The following NLGN4X variants were observed in gnomAD, a reference collection of about 807,000 sequenced individuals.
NLGN4X encodes neuroligin-4, X-linked.
NLGN4X carries 3 observed loss-of-function variants against 40.3 expected under a neutral mutation model. The observed-to-expected ratio is 0.07, with a 90% confidence interval of 0.03 to 0.19. NLGN4X has a LOEUF of 0.19. Among genes scored for constraint, NLGN4X ranks in the 10% least tolerant of loss-of-function variants. The pLI is 1.00. For missense variants in NLGN4X, 382 were observed against 708.3 expected, an observed-to-expected ratio of 0.54 and a Z score of 5.23; for synonymous variants, 270 against 306.8, an observed-to-expected ratio of 0.88 and a Z score of 1.25.
At chrX:5,964,240 T>C (rs1173490380) in intron 3 of NLGN4X, among the ~76,000 whole-genome samples, 1 of 111,858 alleles carries the variant, frequency 8.9e-6, no homozygotes, top group Admixed American at 9.6e-5. Context: ...AAATTCTCCA[T>C]TTAGATGGCT....
At chrX:6,090,758 A>G (rs2038617476) in intron 2 of NLGN4X, among the ~76,000 whole-genome samples, 2 of 108,052 alleles carry the variant, frequency 1.9e-5, no homozygotes, top group Non-Finnish European at 3.8e-5. Flanking sequence ...CTCAGAGGCA[A>G]TATTTGACAA....
At chrX:5,967,077 G>A (rs1188733170) in intron 3 of NLGN4X, among the ~76,000 whole-genome samples, 1 of 111,490 alleles carries the variant, frequency 9.0e-6, no homozygotes, top group Non-Finnish European at 1.9e-5. Flanking sequence ...GATAAATTTG[G>A]TCTGTTGTCT....
At chrX:6,170,372 T>C (rs1245472287) in intron 1 of NLGN4X, among the ~76,000 whole-genome samples, 3 of 112,498 alleles carry the variant, frequency 2.7e-5, no homozygotes, top group East Asian at 2.8e-4. Flanking sequence ...CCAGTCTGCA[T>C]TGCAGACCGA....
intron 1 of NLGN4X, among the ~76,000 whole-genome samples, chrX:6,152,070 C>T (rs1196115318): frequency 9.0e-6 from 1 of 111,269 alleles, no homozygotes; most frequent in South Asian, 3.9e-4. Context: ...CCCGCCTCAC[C>T]CTCCCGAGTA....
intron 3 of NLGN4X, among the ~76,000 whole-genome samples, chrX:6,000,172 C>T (rs1315885664): frequency 8.9e-6 from 1 of 112,233 alleles, no homozygotes; most frequent in African/African-American, 3.2e-5. Flanking sequence ...GAAGATGCCT[C>T]CCAGTATGTG....
intron 1 of NLGN4X, among the ~76,000 whole-genome samples, chrX:6,183,276 G>A (rs756221588): frequency 3.6e-5 from 4 of 112,398 alleles, no homozygotes; most frequent in East Asian, 2.8e-4. Flanking sequence ...GGCCGGGCAC[G>A]GTGGCTCACG....
intron 1 of NLGN4X, among the ~76,000 whole-genome samples, chrX:6,228,092 T>C (rs1355735755): frequency 9.0e-6 from 1 of 110,576 alleles, no homozygotes; most frequent in Non-Finnish European, 1.9e-5. Flanking sequence ...TGCAGATACA[T>C]ATATATTTTT....
intron 1 of NLGN4X, among the ~76,000 whole-genome samples, chrX:6,193,304 G>A (rs773270866): frequency 1.0e-3 from 111 of 109,517 alleles, no homozygotes; most frequent in African/African-American, 3.4e-3. Context: ...AGCTACTCGG[G>A]AGGCTGAGGC....
At chrX:5,979,819 T>C (rs1346348886) in intron 3 of NLGN4X, among the ~76,000 whole-genome samples, 5 of 103,642 alleles carry the variant, frequency 4.8e-5, no homozygotes, top group Middle Eastern at 6.5e-3. Context: ...TATGTGTATA[T>C]ATACACACAT....
At chrX:5,970,986 G>A (rs913533273) in intron 3 of NLGN4X, among the ~76,000 whole-genome samples, 8 of 111,589 alleles carry the variant, frequency 7.2e-5, no homozygotes, top group East Asian at 2.8e-4. Context: ...TATAGATACT[G>A]TTTAAACTCC....
At chrX:6,185,405 C>T (rs1921916705) in intron 1 of NLGN4X, among the ~76,000 whole-genome samples, 1 of 112,092 alleles carries the variant, frequency 8.9e-6, no homozygotes, top group African/African-American at 3.2e-5. Flanking sequence ...GCAAAAGATC[C>T]TTAATCATCT....
At chrX:6,079,779 G>T (rs2038300145) in intron 2 of NLGN4X, among the ~76,000 whole-genome samples, 1 of 111,780 alleles carries the variant, frequency 8.9e-6, no homozygotes, top group South Asian at 3.8e-4. Flanking sequence ...TCATCCTGTG[G>T]GTCAGCTTCA....
chrX:6,099,717 C>A (rs1323830240), intron 2 of NLGN4X, among the ~76,000 whole-genome samples: 1 of 112,394 alleles, frequency 8.9e-6, no homozygotes, highest in Non-Finnish European at 1.9e-5. Flanking sequence ...GCAAAGGATG[C>A]TGGAAAAATT....
At chrX:5,896,665 T>A (rs182281932) in intron 5 of NLGN4X, among the ~76,000 whole-genome samples, 56 of 112,321 alleles carry the variant, frequency 5.0e-4, no homozygotes, top group Admixed American at 1.5e-3. Context: ...CTAGTTCATT[T>A]CTTTAGCTGG....
At chrX:6,193,087 T>C (rs1922692599) in intron 1 of NLGN4X, among the ~76,000 whole-genome samples, 1 of 111,810 alleles carries the variant, frequency 8.9e-6, no homozygotes, top group African/African-American at 3.2e-5. Context: ...CTATTCCTGA[T>C]ACTTACCATT....
chrX:6,128,432 A>G (rs981609596), intron 2 of NLGN4X, among the ~76,000 whole-genome samples: 25 of 112,314 alleles, frequency 2.2e-4, no homozygotes, highest in Admixed American at 1.9e-3. Flanking sequence ...ATACACTCTG[A>G]ATATTCCTCC....
intron 2 of NLGN4X, among the ~76,000 whole-genome samples, chrX:6,142,028 T>A (rs1041810583): frequency 1.8e-5 from 2 of 111,046 alleles, no homozygotes; most frequent in Non-Finnish European, 3.8e-5. Flanking sequence ...GTACCTAAAG[T>A]TTCTATCTCT....
intron 2 of NLGN4X, among the ~76,000 whole-genome samples, chrX:6,139,874 T>C (rs1037083939): frequency 1.8e-5 from 2 of 111,510 alleles, no homozygotes; most frequent in Non-Finnish European, 1.9e-5. Flanking sequence ...ATGAGTTATC[T>C]AAAATGCCTC....
Position 5,972,017 on chromosome X carries a change from A to G in NLGN4X, c.625+57263T>C, listed in dbSNP as rs138005619. 2.1e-3 allele frequency among the ~76,000 whole-genome samples: 233 copies of G among 111,957 alleles called. 1 individual carries two copies. The highest frequency in any genetic ancestry group is 5.5e-3 in the African/African-American group (170 of 30,882). On this transcript the variant is annotated intron_variant, in intron 3 of 5. Transcript: ENST00000381095. ...TGTGCTGCGAGAGCAACTTTTAAGT[A>G]ATGGTAATCTAGTGTAGTGCATTTT...
Sources: gnomAD v4.1 joint callset for allele counts (sites outside exome capture counted in the v4.1 genomes callset) on GRCh38, gnomAD v4.1.1 for gene constraint, MANE v1.5 for transcripts, NCBI Gene and HGNC (gene_info 2026-07-23, HGNC 2026-07-21) for gene names.